LARGE1: variants seen among roughly 807,000 people sequenced by gnomAD.
LARGE1 encodes the protein LARGE xylosyl- and glucuronyltransferase 1, also known as xylosyl- and glucuronyltransferase LARGE1.
In LARGE1, 43 loss-of-function variants were observed where a neutral mutation model predicts 87.6. The ratio of observed to expected loss-of-function variants is 0.49; its 90% confidence interval spans 0.38 to 0.63. The LOEUF is 0.63. Among genes scored for constraint, LARGE1 ranks in the 30% least tolerant of loss-of-function variants. The pLI is 0.00. For synonymous variants in LARGE1, 434 were observed against 394.6 expected, an observed-to-expected ratio of 1.10 and a Z score of -1.18; for missense variants, 802 against 1,000.2, an observed-to-expected ratio of 0.80 and a Z score of 2.67.
intron 2 of LARGE1, among the ~76,000 whole-genome samples, chr22:33,671,772 T>C (rs1295590208): frequency 6.6e-6 from 1 of 152,222 alleles, no homozygotes; most frequent in Non-Finnish European, 1.5e-5. Flanking sequence ...ACACTAAGCA[T>C]GTGGGAGTTA....
chr22:33,728,368 G>A (rs140251661), intron 2 of LARGE1, among the ~76,000 whole-genome samples: 2,457 of 151,742 alleles, frequency 0.016, 63 homozygotes, highest in African/African-American at 0.057. Flanking sequence ...GTGAAATCCC[G>A]TCTCTACTAA....
At chr22:33,886,715 G>C (rs938511345) in intron 1 of LARGE1, among the ~76,000 whole-genome samples, 2 of 146,194 alleles carry the variant, frequency 1.4e-5, no homozygotes, top group African/African-American at 5.0e-5. Flanking sequence ...GGGAGGGAGG[G>C]AAAAGAGAAG....
At chr22:33,274,697 G>T (rs1569001948) in intron 14 of LARGE1, 73 bp from the exon 15 acceptor site, 3 of 1,294,892 alleles carry the variant, frequency 2.3e-6, no homozygotes, top group African/African-American at 2.9e-5. Context: ...CCAAGCGAAT[G>T]ATTGAATGGC....
intron 6 of LARGE1, among the ~76,000 whole-genome samples, chr22:33,514,158 C>T (rs2071184916): frequency 1.3e-5 from 2 of 152,124 alleles, no homozygotes; most frequent in South Asian, 4.1e-4. Flanking sequence ...GAACATATCC[C>T]CATCATTAAG....
intron 6 of LARGE1, among the ~76,000 whole-genome samples, chr22:33,513,812 T>TACACACACACACATACACAC (rs111795849): frequency 1.6e-3 from 233 of 143,270 alleles, no homozygotes; most frequent in African/African-American, 5.7e-3. Context: ...AGAGCTGATG[T>TACACACACACACATACACAC]ACACACACAC....
chr22:33,182,784 T>A (rs1260087970), intron 11 of LARGE1, among the ~76,000 whole-genome samples: 1 of 152,154 alleles, frequency 6.6e-6, no homozygotes, highest in Non-Finnish European at 1.5e-5. Context: ...GAAATTAGAC[T>A]CTTATCTGAC....
At chr22:33,350,297 T>C (rs945044291) in intron 9 of LARGE1, among the ~76,000 whole-genome samples, 8 of 152,234 alleles carry the variant, frequency 5.3e-5, no homozygotes, top group Non-Finnish European at 1.2e-4. Flanking sequence ...TGAAAAAAGA[T>C]GCAAACAGTG....
intron 4 of LARGE1, among the ~76,000 whole-genome samples, chr22:33,610,273 T>C (rs1038272483): frequency 4.6e-5 from 7 of 152,180 alleles, no homozygotes; most frequent in African/African-American, 1.7e-4. Flanking sequence ...CTGGAACTTC[T>C]TATAGACTGG....
intron 2 of LARGE1, among the ~76,000 whole-genome samples, chr22:33,654,004 G>A (rs5999045): frequency 0.012 from 1,895 of 152,208 alleles, 43 homozygotes; most frequent in African/African-American, 0.044. Context: ...AAACATTTAC[G>A]TAAATTATGA....
intron 11 of LARGE1, among the ~76,000 whole-genome samples, chr22:33,167,437 A>G (rs12160013): frequency 0.025 from 3,872 of 152,304 alleles, 174 homozygotes; most frequent in African/African-American, 0.089. Flanking sequence ...TATTTTGGCC[A>G]CTGTTAGAGC....
chr22:33,316,327 C>T, intron 10 of LARGE1, 79 bp from the exon 11 acceptor site: 1 of 1,441,292 alleles, frequency 6.9e-7, no homozygotes, highest in South Asian at 1.2e-5. Flanking sequence ...TGAGCCCTGC[C>T]CTCCCCTGAG....
chr22:33,636,784 G>A (rs775932027), intron 3 of LARGE1, among the ~76,000 whole-genome samples: 54 of 151,484 alleles, frequency 3.6e-4, no homozygotes, highest in Admixed American at 6.6e-4. Context: ...CTTCCACTTC[G>A]GCCTCCTAAG....
intron 1 of LARGE1, among the ~76,000 whole-genome samples, chr22:33,825,014 G>A (rs1416426295): frequency 2.0e-5 from 3 of 152,176 alleles, no homozygotes; most frequent in Non-Finnish European, 2.9e-5. Flanking sequence ...TTTGCAAGAT[G>A]AGGGAAGTGA....
the LARGE1 span, among the ~76,000 whole-genome samples, chr22:33,072,183 CTA>C: frequency 6.6e-6 from 1 of 152,148 alleles, no homozygotes; most frequent in Non-Finnish European, 1.5e-5. Flanking sequence ...TCAAAAATGC[CTA>C]TGAGGCAAAA....
intron 6 of LARGE1, among the ~76,000 whole-genome samples, chr22:33,450,870 T>TG: frequency 6.6e-6 from 1 of 152,292 alleles, no homozygotes; most frequent in East Asian, 1.9e-4. Context: ...ATAGCTAGAA[T>TG]GGGGTGTCTG....
chr22:33,280,411 C>T (rs951415277), intron 13 of LARGE1, among the ~76,000 whole-genome samples: 1 of 151,224 alleles, frequency 6.6e-6, no homozygotes, highest in South Asian at 2.1e-4. Flanking sequence ...GGTGGTCTTG[C>T]TCTCAGTGAT....
chr22:33,274,451 A>G lies in LARGE1; in HGVS notation c.2247T>C (p.Tyr749=). The change falls in exon 15 of 15, where the codon TAT becomes TAC. Residue 749 remains tyrosine, a synonymous_variant. Coordinates refer to ENST00000397394, the MANE Select transcript of LARGE1 (RefSeq NM_133642.5). ...SRRYGFAALK[Y]LTAENNS is the part of the protein sequence containing the mutation. ...GCTAGCTGTTGTTCTCGGCTGTGAG[A>G]TATTTCAGGGCAGCAAAGCCGTAGC... 1 of 1,614,162 alleles carries G rather than the reference A, an allele frequency of 6.2e-7. No individual in the cohort carries two copies. The highest frequency in any genetic ancestry group is 8.5e-7 in the Non-Finnish European group (1 of 1,180,028).
At chr22:33,721,677 C>T (rs892152980) in intron 2 of LARGE1, among the ~76,000 whole-genome samples, 4 of 152,110 alleles carry the variant, frequency 2.6e-5, no homozygotes, top group African/African-American at 9.7e-5. Flanking sequence ...AATGCATGTG[C>T]GGCTCCTTAA....
At chr22:33,374,532 C>T (rs552496877) in intron 9 of LARGE1, among the ~76,000 whole-genome samples, 5 of 152,234 alleles carry the variant, frequency 3.3e-5, no homozygotes, top group African/African-American at 1.2e-4. Flanking sequence ...TGCTTTCAAC[C>T]TTTTAAAATC....
Sources: gnomAD v4.1 joint callset for allele counts (sites outside exome capture counted in the v4.1 genomes callset) on GRCh38, gnomAD v4.1.1 for gene constraint, MANE v1.5 for transcripts, NCBI Gene and HGNC (gene_info 2026-07-23, HGNC 2026-07-21) for gene names.